Variants in SMARCAL1 observed in about 807,000 individuals in gnomAD.
SMARCAL1 encodes ATP-driven annealing helicase.
Under a neutral mutation model 94.5 loss-of-function variants are expected in SMARCAL1, and 58 were observed. The ratio of observed to expected loss-of-function variants is 0.61; its 90% CI spans 0.50 to 0.76. The LOEUF (loss-of-function observed/expected upper bound fraction) is 0.76, where lower values mean the gene tolerates loss of function less well. Ranked by LOEUF, SMARCAL1 falls within the 30% of genes least tolerant of loss-of-function variation. The pLI, the probability that SMARCAL1 is intolerant of heterozygous loss-of-function variation, is 0.00. For synonymous variants in SMARCAL1, 422 were observed against 455.1 expected (o/e 0.93, Z 0.93); for missense variants, 1,051 against 1,177.9 (o/e 0.89, Z 1.58).
At chr2:216,426,150 C>CAAAAG (rs1339960954) in intron 6 of SMARCAL1, among the ~76,000 whole-genome samples, 1 of 152,220 alleles carries the variant, frequency 6.6e-6, no homozygotes, top group Non-Finnish European at 1.5e-5. Flanking sequence ...GCGTGAGCCA[C>CAAAAG]CGTGCCCAGC....
At chr2:216,422,508 G>A (rs980223371) in intron 5 of SMARCAL1, among the ~76,000 whole-genome samples, 4 of 152,196 alleles carry the variant, frequency 2.6e-5, no homozygotes, top group Admixed American at 6.5e-5. Context: ...TCCAAAAACC[G>A]TGATTGGTTC....
chr2:216,433,586 C>A (rs1468712590), intron 8 of SMARCAL1, among the ~76,000 whole-genome samples: 1 of 152,098 alleles, frequency 6.6e-6, no homozygotes, highest in Non-Finnish European at 1.5e-5. Context: ...GTTTTGCACT[C>A]TGTAGAGGGG....
At chr2:216,418,661 G>A (rs1026057405) in intron 4 of SMARCAL1, among the ~76,000 whole-genome samples, 1 of 152,026 alleles carries the variant, frequency 6.6e-6, no homozygotes, top group Admixed American at 6.5e-5. Context: ...ACCATCCCCC[G>A]TAATCTCCCC....
At chr2:216,424,007 G>A (rs967022939) in intron 6 of SMARCAL1, among the ~76,000 whole-genome samples, 1 of 152,152 alleles carries the variant, frequency 6.6e-6, no homozygotes, top group Non-Finnish European at 1.5e-5. Context: ...AAGTGAGCTA[G>A]GATTGCTTAG....
At chr2:216,473,848 T>A (rs959326853) in intron 14 of SMARCAL1, among the ~76,000 whole-genome samples, 1 of 152,196 alleles carries the variant, frequency 6.6e-6, no homozygotes, top group Non-Finnish European at 1.5e-5. Flanking sequence ...AGCATTTTTC[T>A]TTGGGAAATG....
rs1232125857 is a variant in SMARCAL1 at position 216,477,225 on chromosome 2, G to A, written c.2528+16G>A. The A allele has an allele frequency of 6.4e-7, 1 of 1,555,856 alleles. No homozygotes were observed. The highest frequency in any genetic ancestry group is 8.7e-7 in the Non-Finnish European group (1 of 1,142,954). On this transcript the variant is annotated intron_variant, in intron 16 of 17. Coordinates refer to ENST00000357276, the MANE Select transcript of SMARCAL1 (RefSeq NM_014140.4). ...ACTACCTTTGGTATGGCTTGGTTGG[G>A]TGGCCTGGCAGTTGGAGTCGAGCAA...
intron 12 of SMARCAL1, among the ~76,000 whole-genome samples, chr2:216,452,819 G>A (rs1356987337): frequency 2.6e-5 from 4 of 152,170 alleles, no homozygotes; most frequent in Admixed American, 6.5e-5. Context: ...TTCAAGTAAA[G>A]GGAGTGGCTC....
intron 11 of SMARCAL1, among the ~76,000 whole-genome samples, chr2:216,447,707 G>A (rs750108590): frequency 6.6e-6 from 1 of 152,144 alleles, no homozygotes; most frequent in African/African-American, 2.4e-5. Context: ...GTAGATTGAG[G>A]AGCCTGATCC....
chr2:216,427,021 C>T lies in SMARCAL1; in HGVS notation c.1148-1575C>T, dbSNP rs1016636507. ...TTCTAAGTGACTCAGGCCTTTTGCC[C>T]CCAGTGAAATTGGCATAAGTCCTTT... On this transcript the variant is annotated intron_variant, in intron 6 of 17. Transcript: ENST00000357276. 15 of 152,298 alleles carry T rather than the reference C, an allele frequency of 9.8e-5. 1 individual carries two copies. Among genetic ancestry groups the T allele is most frequent in the Middle Eastern group, 6.8e-3 (2 of 294 alleles). 9.4% of individuals were successfully genotyped at this position (152,298 alleles called of 1,614,324 possible). A position where few individuals can be genotyped will look rare whatever the true frequency, so the allele number is the denominator to read the frequency against.
At chr2:216,454,867 G>A (rs1376104906) in intron 12 of SMARCAL1, among the ~76,000 whole-genome samples, 1 of 152,212 alleles carries the variant, frequency 6.6e-6, no homozygotes, top group African/African-American at 2.4e-5. Flanking sequence ...GACAGTGGGT[G>A]CAGCACACCG....
intron 4 of SMARCAL1, among the ~76,000 whole-genome samples, chr2:216,417,024 ATTTATT>A: frequency 6.6e-6 from 1 of 152,248 alleles, no homozygotes; most frequent in East Asian, 1.9e-4. Flanking sequence ...TTCATCTTCC[ATTTATT>A]TTACTCTTCT....
chr2:216,438,711 T>C (rs1376895044), intron 10 of SMARCAL1, among the ~76,000 whole-genome samples: 1 of 152,132 alleles, frequency 6.6e-6, no homozygotes, highest in African/African-American at 2.4e-5. Flanking sequence ...GTACTAGTAG[T>C]CAGTAGTGCT....
rs182615273 is a variant in SMARCAL1, at chr2:216,442,346, G to A, written c.1710+3861G>A. Among the ~76,000 whole-genome samples the A allele has an allele frequency of 2.2e-3, 328 of 151,786 alleles. 1 individual carries two copies. The highest frequency in any genetic ancestry group is 7.7e-3 in the African/African-American group (317 of 41,316). On this transcript the variant is annotated intron_variant, in intron 10 of 17. Transcript: ENST00000357276. Reference sequence around the variant, plus strand: ...GTGGGAGAATCACTTGAACCTGAGAGGCGGAGGTTGCCCTGAGCGGAGATC... The same window carrying A: ...GTGGGAGAATCACTTGAACCTGAGAAGCGGAGGTTGCCCTGAGCGGAGATC...
chr2:216,414,445 T>A, intron 2 of SMARCAL1: 1 of 451,176 alleles, frequency 2.2e-6, no homozygotes, highest in Non-Finnish European at 4.1e-6. Flanking sequence ...CCGACCTGCT[T>A]TTTGCTTTTT....
Position 216,441,722 on chromosome 2 carries a change from A to T in SMARCAL1, c.1710+3237A>T, listed in dbSNP as rs480842. ...AGGTCAGTTTTCATTTGACCTTTTTAGGGGAGGCCTCTGAAGTCCAGTCTG... is the reference window on the plus strand; with the variant it reads ...AGGTCAGTTTTCATTTGACCTTTTTTGGGGAGGCCTCTGAAGTCCAGTCTG... On this transcript the variant is annotated intron_variant, in intron 10 of 17. Transcript: ENST00000357276. 2.6e-5 allele frequency among the ~76,000 whole-genome samples: 4 copies of T among 152,122 alleles called. No homozygotes were observed. The East Asian group carries it at 5.8e-4, about 22-fold the overall frequency.
chr2:216,417,778 CCT>C (rs1369251328), intron 4 of SMARCAL1, among the ~76,000 whole-genome samples: 5 of 152,178 alleles, frequency 3.3e-5, no homozygotes, highest in Admixed American at 6.5e-5. Flanking sequence ...GATTTTGACA[CCT>C]GGTATTCTCA....
chr2:216,457,251 C>T (rs1694587328), intron 12 of SMARCAL1, among the ~76,000 whole-genome samples: 1 of 152,190 alleles, frequency 6.6e-6, no homozygotes, highest in South Asian at 2.1e-4. Flanking sequence ...GAGACTTTAA[C>T]ACCCCACTGT....
intron 12 of SMARCAL1, among the ~76,000 whole-genome samples, chr2:216,464,195 A>T (rs1574476777): frequency 6.6e-6 from 1 of 152,210 alleles, no homozygotes; most frequent in African/African-American, 2.4e-5. Flanking sequence ...GCAAAAAGCA[A>T]GTTGGGGAAA....
chr2:216,416,638 G>A (rs1218416185), intron 4 of SMARCAL1, among the ~76,000 whole-genome samples: 2 of 152,186 alleles, frequency 1.3e-5, no homozygotes, highest in South Asian at 2.1e-4. Flanking sequence ...GTAACACAGG[G>A]TCACATAGCC....
Sources: gnomAD v4.1 joint callset for allele counts (sites outside exome capture counted in the v4.1 genomes callset) on GRCh38, gnomAD v4.1.1 for gene constraint, MANE v1.5 for transcripts, NCBI Gene and HGNC (gene_info 2026-07-23, HGNC 2026-07-21) for gene names.